The following LRRC69 variants were observed in gnomAD, a reference collection of about 807,000 sequenced individuals.
LRRC69 encodes leucine-rich repeat-containing protein 69.
LRRC69 carries 42 observed loss-of-function variants against 37.8 expected under a neutral mutation model. That is an observed-to-expected ratio of 1.11 (90% CI 0.87 to 1.44). The LOEUF is 1.44. Among genes scored for constraint, LRRC69 ranks in the 40% most tolerant of loss-of-function variants. The probability of loss-of-function intolerance (pLI) is 0.00; values close to 1 mark genes in which losing one functional copy is unlikely to be tolerated. For synonymous variants in LRRC69, 141 were observed against 143.1 expected, an observed-to-expected ratio of 0.99 and a Z score of 0.11; for missense variants, 357 against 401.9, an observed-to-expected ratio of 0.89 and a Z score of 0.96.
intron 7 of LRRC69, among the ~76,000 whole-genome samples, chr8:91,201,561 A>G (rs1187739568): frequency 1.3e-5 from 2 of 151,956 alleles, no homozygotes; most frequent in Non-Finnish European, 2.9e-5. Context: ...CTTAGCTTAC[A>G]AGTCTTATGA....
chr8:91,186,593 G>C (rs1473657377), intron 5 of LRRC69, among the ~76,000 whole-genome samples: 1 of 152,172 alleles, frequency 6.6e-6, no homozygotes, highest in African/African-American at 2.4e-5. Flanking sequence ...TGAGGGCTTT[G>C]GATTTATCCT....
chr8:91,203,826 A>G (rs2130633187), intron 7 of LRRC69, among the ~76,000 whole-genome samples: 1 of 152,054 alleles, frequency 6.6e-6, no homozygotes, highest in East Asian at 1.9e-4. Context: ...CCACATTTTT[A>G]TGAAGATTTC....
In LRRC69 at chr8:91,160,488, G is replaced by T. The variant is rs140294996; in HGVS notation, c.651+24749G>T. ...TGTTGAATTGTAATCTCCAATGTTG[G>T]GGGAGGGACCTGGTGGGAGGTGATT... is the stretch of plus-strand genomic sequence containing the variant. On this transcript the variant is annotated intron_variant, in intron 5 of 7. Coordinates refer to ENST00000448384, the Ensembl canonical transcript of LRRC69. 4.5e-3 allele frequency among the ~76,000 whole-genome samples: 685 copies of T among 151,102 alleles called. 6 individuals carry two copies. The highest frequency in any genetic ancestry group is 0.016 in the African/African-American group (663 of 41,372).
chr8:91,172,139 G>C (rs1253602228), intron 5 of LRRC69, among the ~76,000 whole-genome samples: 6 of 151,834 alleles, frequency 4.0e-5, no homozygotes, highest in Non-Finnish European at 1.5e-5. Context: ...CTTGATATAT[G>C]TATATAATTA....
At chr8:91,189,753 G>A in intron 6 of LRRC69, 130 bp downstream of exon 6, 1 of 525,624 alleles carries the variant, frequency 1.9e-6, no homozygotes, top group South Asian at 4.1e-5. Flanking sequence ...TGGCAATGTG[G>A]ATCCTATACA....
rs1464453139 is a variant in LRRC69, at chr8:91,124,489, G to T, written c.184-4G>T. ...GAGTCCATTAAACCTCTATATGTTT[G>T]CAGTTGACAACACTAAATCTGGGAA... On this transcript the variant is annotated splice_region_variant and splice_polypyrimidine_tract_variant and intron_variant, in intron 1 of 7. Transcript: ENST00000448384. The T allele has an allele frequency of 6.6e-7, 1 of 1,525,374 alleles. No individual in the cohort carries two copies. The highest frequency in any genetic ancestry group is 2.2e-5 in the Admixed American group (1 of 44,550). The allele number at this position is 1,525,374 out of a possible 1,614,324, so 94.5% of individuals were successfully genotyped here.
At chr8:91,198,025 T>G (rs1221654347) in intron 6 of LRRC69, among the ~76,000 whole-genome samples, 1 of 152,198 alleles carries the variant, frequency 6.6e-6, no homozygotes, top group Admixed American at 6.5e-5. Flanking sequence ...TTATTTCTAC[T>G]GGGCATTTAG....
At chr8:91,150,776 C>G (rs1408249144) in intron 5 of LRRC69, among the ~76,000 whole-genome samples, 2 of 151,886 alleles carry the variant, frequency 1.3e-5, no homozygotes, top group African/African-American at 2.4e-5. Flanking sequence ...TGTTATTGGT[C>G]TATTCAGAGA....
At chr8:91,181,437 C>G (rs1809322914) in intron 5 of LRRC69, among the ~76,000 whole-genome samples, 1 of 152,070 alleles carries the variant, frequency 6.6e-6, no homozygotes, top group Admixed American at 6.5e-5. Context: ...GTCATTTCAT[C>G]TTTTTCACAT....
chr8:91,171,023 A>G (rs1809117973), intron 5 of LRRC69, among the ~76,000 whole-genome samples: 1 of 150,780 alleles, frequency 6.6e-6, no homozygotes, highest in Admixed American at 6.6e-5. Context: ...GCTAATATCC[A>G]GAATCTACAA....
intron 1 of LRRC69, among the ~76,000 whole-genome samples, chr8:91,107,939 A>G (rs766656306): frequency 6.6e-6 from 1 of 152,106 alleles, no homozygotes; most frequent in Non-Finnish European, 1.5e-5. Flanking sequence ...TAATGTCAAC[A>G]TGAGTGAAAT....
chr8:91,170,974 A>C (rs992066938), intron 5 of LRRC69, among the ~76,000 whole-genome samples: 1 of 145,836 alleles, frequency 6.9e-6, no homozygotes, highest in East Asian at 2.0e-4. Context: ...AACCTACAAA[A>C]TGGGAGAAAA....
At chr8:91,150,084 C>T (rs1175898081) in intron 5 of LRRC69, among the ~76,000 whole-genome samples, 4 of 151,972 alleles carry the variant, frequency 2.6e-5, no homozygotes, top group African/African-American at 7.2e-5. Flanking sequence ...ATTTCCTTCT[C>T]CTGCCTGATT....
At chr8:91,126,151 G>A (rs1010159164) in intron 2 of LRRC69, among the ~76,000 whole-genome samples, 1 of 151,996 alleles carries the variant, frequency 6.6e-6, no homozygotes, top group African/African-American at 2.4e-5. Flanking sequence ...GCCCAGCATG[G>A]GTAGAATAAC....
chr8:91,116,724 A>G (rs1417039676), intron 1 of LRRC69, among the ~76,000 whole-genome samples: 1 of 152,004 alleles, frequency 6.6e-6, no homozygotes, highest in South Asian at 2.1e-4. Flanking sequence ...CCTTTTCTGT[A>G]AGATCAGGGT....
At chr8:91,129,395 G>A (rs939930704) in intron 3 of LRRC69, among the ~76,000 whole-genome samples, 4 of 151,822 alleles carry the variant, frequency 2.6e-5, no homozygotes, top group African/African-American at 7.3e-5. Flanking sequence ...TTGTGGAATC[G>A]GGAACAATGG....
chr8:91,120,066 C>T (rs988545575), intron 1 of LRRC69, among the ~76,000 whole-genome samples: 3 of 151,970 alleles, frequency 2.0e-5, no homozygotes, highest in Admixed American at 6.6e-5. Context: ...TCTTCATTTT[C>T]TAGTTTCCCT....
chr8:91,182,815 A>T (rs1809345592), intron 5 of LRRC69, among the ~76,000 whole-genome samples: 1 of 152,202 alleles, frequency 6.6e-6, no homozygotes. Context: ...CGTGTAGAGA[A>T]ACAGTTATTA....
chr8:91,194,660 G>T (rs1377745446), intron 6 of LRRC69, among the ~76,000 whole-genome samples: 1 of 152,022 alleles, frequency 6.6e-6, no homozygotes, highest in Non-Finnish European at 1.5e-5. Context: ...ATTCTCTGAT[G>T]GTAGTTTGTA....
Sources: gnomAD v4.1 joint callset for allele counts (sites outside exome capture counted in the v4.1 genomes callset) on GRCh38, gnomAD v4.1.1 for gene constraint, MANE v1.5 for transcripts, NCBI Gene and HGNC (gene_info 2026-07-23, HGNC 2026-07-21) for gene names.